EPHA6: variants seen among roughly 807,000 people sequenced by gnomAD.
EPHA6 encodes the protein ephrin type-A receptor 6.
A neutral mutation model predicts 112.0 loss-of-function variants in EPHA6; 50 were observed. The observed-to-expected ratio is 0.45, with a 90% CI of 0.36 to 0.56. The LOEUF (loss-of-function observed/expected upper bound fraction) is 0.56. Ranked by LOEUF, EPHA6 falls within the 20% of genes least tolerant of loss-of-function variation. EPHA6 has a pLI of 0.00. For synonymous variants in EPHA6, 529 were observed against 490.7 expected (o/e 1.08, Z -1.03); for missense variants, 1,280 against 1,417.4 (o/e 0.90, Z 1.56).
intron 2 of EPHA6, among the ~76,000 whole-genome samples, chr3:96,868,278 A>G (rs2036441829): frequency 6.6e-6 from 1 of 151,488 alleles, no homozygotes; most frequent in Non-Finnish European, 1.5e-5. Context: ...TATGCAATTT[A>G]TTTATTTTTT....
chr3:96,931,757 T>C (rs1229520343), intron 2 of EPHA6, among the ~76,000 whole-genome samples: 1 of 152,164 alleles, frequency 6.6e-6, no homozygotes, highest in Non-Finnish European at 1.5e-5. Context: ...TTCAAACCAG[T>C]GAGTCTTATC....
chr3:96,894,084 A>G (rs2038129192), intron 2 of EPHA6, among the ~76,000 whole-genome samples: 1 of 152,182 alleles, frequency 6.6e-6, no homozygotes, highest in Non-Finnish European at 1.5e-5. Context: ...CAAGACTTTT[A>G]AGGACAGAAC....
At chr3:97,735,258 C>T (rs1421859707) in intron 15 of EPHA6, among the ~76,000 whole-genome samples, 1 of 152,060 alleles carries the variant, frequency 6.6e-6, no homozygotes, top group African/African-American at 2.4e-5. Flanking sequence ...CTGAAGCACA[C>T]TAGCTCAGAG....
intron 6 of EPHA6, among the ~76,000 whole-genome samples, chr3:97,430,515 T>C (rs905546104): frequency 2.0e-5 from 3 of 152,124 alleles, no homozygotes; most frequent in African/African-American, 7.2e-5. Flanking sequence ...TAGATTTTTA[T>C]TGGAATAAGC....
intron 12 of EPHA6, among the ~76,000 whole-genome samples, chr3:97,605,562 G>T (rs561912948): frequency 1.2e-4 from 18 of 151,570 alleles, no homozygotes; most frequent in South Asian, 1.0e-3. Flanking sequence ...GATGGTTAGG[G>T]TGTGTGGCTG....
chr3:97,442,894 C>A (rs1327180270), intron 6 of EPHA6, among the ~76,000 whole-genome samples: 1 of 152,062 alleles, frequency 6.6e-6, no homozygotes, highest in East Asian at 1.9e-4. Flanking sequence ...TCAAACTTTT[C>A]TTTTCCCAGA....
At chr3:97,657,921 C>T (rs2094146394) in intron 14 of EPHA6, among the ~76,000 whole-genome samples, 1 of 151,690 alleles carries the variant, frequency 6.6e-6, no homozygotes, top group Non-Finnish European at 1.5e-5. Context: ...AATCTAGACA[C>T]ATATCCAATT....
intron 1 of EPHA6, among the ~76,000 whole-genome samples, chr3:96,854,549 C>T (rs1195798020): frequency 1.3e-5 from 2 of 151,932 alleles, no homozygotes; most frequent in African/African-American, 4.8e-5. Context: ...AAGGCAAAGC[C>T]TATGTTTATT....
chr3:96,926,324 TG>T (rs1408271128), intron 2 of EPHA6, among the ~76,000 whole-genome samples: 1 of 152,062 alleles, frequency 6.6e-6, no homozygotes, highest in African/African-American at 2.4e-5. Context: ...CCTCGACACA[TG>T]GGGATTACAA....
chr3:97,240,836 G>A (rs1198930593), intron 4 of EPHA6, among the ~76,000 whole-genome samples: 1 of 151,800 alleles, frequency 6.6e-6, no homozygotes, highest in Non-Finnish European at 1.5e-5. Context: ...TTCCACATCA[G>A]TCCACCAAAA....
intron 11 of EPHA6, among the ~76,000 whole-genome samples, chr3:97,578,445 T>G (rs1376799656): frequency 6.6e-6 from 1 of 152,208 alleles, no homozygotes; most frequent in African/African-American, 2.4e-5. Flanking sequence ...ACTGATCACA[T>G]AGCTTCATCT....
chr3:97,505,225 A>G (rs994409412), intron 10 of EPHA6, among the ~76,000 whole-genome samples: 1 of 152,208 alleles, frequency 6.6e-6, no homozygotes, highest in Non-Finnish European at 1.5e-5. Flanking sequence ...GTTCTGGGAT[A>G]CATGTGCAGA....
At chr3:97,308,710 T>A (rs1227180709) in intron 5 of EPHA6, among the ~76,000 whole-genome samples, 1 of 151,808 alleles carries the variant, frequency 6.6e-6, no homozygotes, top group Non-Finnish European at 1.5e-5. Flanking sequence ...TATTTCGCTA[T>A]TTTATCACTG....
intron 2 of EPHA6, among the ~76,000 whole-genome samples, chr3:96,873,092 A>AC (rs2036730564): frequency 6.6e-6 from 1 of 151,630 alleles, no homozygotes; most frequent in Non-Finnish European, 1.5e-5. Context: ...ACATGGTGAA[A>AC]CCCCGTCTTC....
intron 11 of EPHA6, among the ~76,000 whole-genome samples, chr3:97,535,952 T>G (rs1442897716): frequency 6.6e-6 from 1 of 152,120 alleles, no homozygotes; most frequent in Non-Finnish European, 1.5e-5. Flanking sequence ...AACTTAAAAG[T>G]TAAATGATTA....
At chr3:97,498,546 A>G (rs376710280) in intron 10 of EPHA6, among the ~76,000 whole-genome samples, 7 of 152,260 alleles carry the variant, frequency 4.6e-5, no homozygotes, top group African/African-American at 1.7e-4. Context: ...TGAAAGTACA[A>G]TTAGTGTGAA....
chr3:97,544,983 T>C (rs2107688034), intron 11 of EPHA6, among the ~76,000 whole-genome samples: 1 of 152,358 alleles, frequency 6.6e-6, no homozygotes, highest in East Asian at 1.9e-4. Flanking sequence ...GCTAGTGGTC[T>C]ATCAATTTTG....
intron 13 of EPHA6, among the ~76,000 whole-genome samples, chr3:97,622,758 C>A (rs976627501): frequency 6.6e-6 from 1 of 151,670 alleles, no homozygotes; most frequent in African/African-American, 2.4e-5. Context: ...ATGTTATTTT[C>A]TGATGTTTTT....
At chr3:97,017,208 G>A (rs1265290885) in intron 3 of EPHA6, among the ~76,000 whole-genome samples, 1 of 152,132 alleles carries the variant, frequency 6.6e-6, no homozygotes, top group East Asian at 1.9e-4. Flanking sequence ...CTGGAAGAGG[G>A]TAGGATATAG....
Sources: allele counts gnomAD v4.1 joint callset (sites outside exome capture counted in the v4.1 genomes callset), GRCh38; gene constraint gnomAD v4.1.1; transcripts MANE v1.5; gene names NCBI Gene and HGNC (gene_info 2026-07-23, HGNC 2026-07-21).